CXCL12: variants seen among roughly 807,000 people sequenced by gnomAD.
The protein encoded by CXCL12 is stromal cell-derived factor 1.
In CXCL12, 4 loss-of-function variants were observed where a neutral mutation model predicts 10.7. The ratio of observed to expected loss-of-function variants is 0.37; its 90% confidence interval spans 0.18 to 0.86. The LOEUF (loss-of-function observed/expected upper bound fraction) is 0.86. CXCL12 is among the 40% of genes least tolerant of loss of function. CXCL12 has a pLI of 0.43. For missense variants in CXCL12, 122 were observed against 110.4 expected, an observed-to-expected ratio of 1.10 and a Z score of -0.47; for synonymous variants, 54 against 45.4, an observed-to-expected ratio of 1.19 and a Z score of -0.77.
At chr10:44,375,781 G>A, downstream of CXCL12, 2 of 1,405,730 alleles carry the variant, frequency 1.4e-6, no homozygotes, top group South Asian at 2.9e-5. Flanking sequence ...CATAAATACA[G>A]AAGCCGGTGT....
chr10:44,374,713 G>A (rs936198679), downstream of CXCL12: 15 of 455,216 alleles, frequency 3.3e-5, no homozygotes, highest in African/African-American at 1.8e-4. Context: ...GGTCTTTGTG[G>A]GTTTTCTCCT....
At position 44,378,715 on chromosome 10, in the gene CXCL12, A is replaced by G; in HGVS notation, c.188T>C (p.Leu63Pro). The G allele has an allele frequency of 1.2e-6, 2 of 1,614,200 alleles. No homozygotes were observed. Among genetic ancestry groups the G allele is most frequent in the Non-Finnish European group, 1.7e-6 (2 of 1,180,024 alleles). Residue 63 changes from leucine to proline, a missense_variant, in exon 3 of 3, where the codon CTG (leucine) becomes CCG (proline). Transcript: ENST00000343575. ...PNCALQIVAR[L>P]KNNNRQVCID... ...GCACACTTGTCTGTTGTTGTTCTTC[A>G]GCCGGGCTCTGTGAAAACAGAATGG...
downstream of CXCL12, chr10:44,374,260 A>G (rs1256500475): frequency 2.7e-6 from 1 of 364,162 alleles, no homozygotes; most frequent in Non-Finnish European, 5.4e-6. Flanking sequence ...TGACCAGGAC[A>G]GACTGGCCAC....
At chr10:44,372,780 C>A (rs529839435), downstream of CXCL12, 328 of 1,453,660 alleles carry the variant, frequency 2.3e-4, 1 homozygote, top group African/African-American at 4.4e-3. Context: ...CTCAGGGTAG[C>A]CCTGCTGCCC....
chr10:44,379,047 G>A (rs1165898066), intron 2 of CXCL12, among the ~76,000 whole-genome samples: 1 of 152,154 alleles, frequency 6.6e-6, no homozygotes, highest in Non-Finnish European at 1.5e-5. Context: ...GGAAAATCAG[G>A]AGCAAATACG....
At chr10:44,384,070 A>G (rs753033717) in intron 1 of CXCL12, among the ~76,000 whole-genome samples, 6 of 152,230 alleles carry the variant, frequency 3.9e-5, no homozygotes, top group Non-Finnish European at 8.8e-5. Context: ...GTGAAACGGG[A>G]CACCACGGTT....
chr10:44,377,394 C>A lies in CXCL12; in HGVS notation c.*1239G>T, dbSNP rs1839486777. On this transcript the variant is annotated 3_prime_UTR_variant, in exon 3 of 3. Coordinates refer to ENST00000343575, the MANE Select transcript of CXCL12 (RefSeq NM_199168.4). ...GAAATACATTTGTTTTCTAAAGAAA[C>A]GTAAAAAAAAATGTGCACAAAAATA... The A allele has an allele frequency of 4.7e-6, 5 of 1,071,998 alleles. No individual in the cohort carries two copies. In the South Asian group the frequency reaches 1.2e-4, roughly 25 times the overall value. The allele number at this position is 1,071,998 out of a possible 1,614,324, so 66.4% of individuals were successfully genotyped here.
At chr10:44,384,881 C>T (rs1005377487) in intron 1 of CXCL12, 64 bp downstream of exon 1, 28 of 1,477,820 alleles carry the variant, frequency 1.9e-5, no homozygotes, top group African/African-American at 5.8e-5. Flanking sequence ...GGAGCCGCGG[C>T]TCTGCGCCGG....
downstream of CXCL12, chr10:44,376,980 A>G: frequency 7.0e-6 from 3 of 426,636 alleles, no homozygotes; most frequent in Non-Finnish European, 6.3e-6. Flanking sequence ...AAAAGCCCAT[A>G]CACTGTCACA....
At chr10:44,375,858 G>T, downstream of CXCL12, 4 of 1,593,838 alleles carry the variant, frequency 2.5e-6, no homozygotes, top group Non-Finnish European at 2.6e-6. Flanking sequence ...CTGCATGGGG[G>T]TCTGTCCTGG....
chr10:44,378,403 G>C lies in CXCL12; in HGVS notation c.*230C>G. The C allele has an allele frequency of 6.4e-7, 1 of 1,550,464 alleles. No individual in the cohort carries two copies. Among genetic ancestry groups the C allele is most frequent in the Non-Finnish European group, 8.7e-7 (1 of 1,150,250 alleles). ...GTAATAAAAGTTCCAACGTGCACAG[G>C]TACAGGGCATGGATGAATATAAGCT... On this transcript the variant is annotated 3_prime_UTR_variant, in exon 3 of 3. Transcript: ENST00000343575.
downstream of CXCL12, among the ~76,000 whole-genome samples, chr10:44,375,608 G>C (rs1839429195): frequency 6.6e-6 from 1 of 152,260 alleles, no homozygotes; most frequent in African/African-American, 2.4e-5. Context: ...AGAGGAAGTG[G>C]AGGGCGGGCT....
chr10:44,373,495 C>A (rs562613445), downstream of CXCL12, among the ~76,000 whole-genome samples: 11 of 152,336 alleles, frequency 7.2e-5, no homozygotes, highest in African/African-American at 2.4e-4. Context: ...AGAGGCCCTG[C>A]GACAACAGAC....
intron 1 of CXCL12, among the ~76,000 whole-genome samples, chr10:44,382,375 C>T (rs890481249): frequency 5.3e-5 from 8 of 152,186 alleles, no homozygotes; most frequent in Non-Finnish European, 1.0e-4. Flanking sequence ...AGGAGCTAAA[C>T]GCTCCTGAGT....
intron 1 of CXCL12, 102 bp from the exon 2 acceptor site, chr10:44,380,982 C>T (rs1839613425): frequency 1.3e-5 from 12 of 927,372 alleles, no homozygotes; most frequent in Admixed American, 8.6e-5. Context: ...GATCAAGAGA[C>T]GGCATCACTG....
intron 1 of CXCL12, among the ~76,000 whole-genome samples, chr10:44,384,018 G>A (rs976218454): frequency 8.5e-5 from 13 of 152,248 alleles, no homozygotes; most frequent in Admixed American, 7.9e-4. Context: ...ACAGCGCAGC[G>A]AGTTTCTCTT....
Position 44,377,955 on chromosome 10 carries a change from GGA to G in CXCL12, c.*676_*677del. The G allele has an allele frequency of 1.3e-6, 2 of 1,527,366 alleles. No homozygotes were observed. The highest frequency in any genetic ancestry group is 1.7e-6 in the Non-Finnish European group (2 of 1,145,514). The allele number at this position is 1,527,366 out of a possible 1,614,324, so 94.6% of individuals were successfully genotyped here. ...AGATTAAGCATGCTCTCGGAGTCGG[GGA>G]GAGAGTAGGAATAGCTGGGAGAGGG... On this transcript the variant is annotated 3_prime_UTR_variant, in exon 3 of 3. Coordinates refer to ENST00000343575, the MANE Select transcript of CXCL12 (RefSeq NM_199168.4).
downstream of CXCL12, chr10:44,376,169 G>A: frequency 1.2e-6 from 1 of 841,298 alleles, no homozygotes; most frequent in Non-Finnish European, 1.9e-6. Flanking sequence ...CCTGGTCAAA[G>A]CACTGTTTAT....
chr10:44,377,696 A>C lies in CXCL12; in HGVS notation c.*937T>G. 1.3e-6 allele frequency: 2 copies of C among 1,595,522 alleles called. No individual in the cohort carries two copies. The highest frequency in any genetic ancestry group is 1.7e-6 in the Non-Finnish European group (2 of 1,178,638). On this transcript the variant is annotated 3_prime_UTR_variant, in exon 3 of 3. Transcript: ENST00000343575. ...ACTCAAAGCGAGCTCTCAGATTTAA[A>C]ATTGCATTTGATTCTGTAAAGACTT...
Sources: gnomAD v4.1 joint callset for allele counts (sites outside exome capture counted in the v4.1 genomes callset) on GRCh38, gnomAD v4.1.1 for gene constraint, MANE v1.5 for transcripts, NCBI Gene and HGNC (gene_info 2026-07-23, HGNC 2026-07-21) for gene names.